The following OPCML variants were observed in gnomAD, a reference collection of about 807,000 sequenced individuals.
The protein encoded by OPCML is opioid binding protein/cell adhesion molecule like, also known as opioid-binding protein/cell adhesion molecule.
OPCML carries 13 observed loss-of-function variants against 37.8 expected under a neutral mutation model. That is an observed-to-expected ratio of 0.34 (90% CI 0.22 to 0.55). OPCML has a LOEUF of 0.55. Ranked by LOEUF, OPCML falls within the 20% of genes least tolerant of loss-of-function variation. The pLI, the probability that OPCML is intolerant of heterozygous loss-of-function variation, is 0.91. For synonymous variants in OPCML, 176 were observed against 168.8 expected (o/e 1.04, Z -0.33); for missense variants, 341 against 435.6 (o/e 0.78, Z 1.93).
intron 2 of OPCML, among the ~76,000 whole-genome samples, chr11:132,702,480 T>C (rs1298021124): frequency 2.0e-5 from 3 of 152,248 alleles, no homozygotes; most frequent in Non-Finnish European, 2.9e-5. Context: ...TCTTGCTGCA[T>C]TTAACGTTCT....
intron 2 of OPCML, among the ~76,000 whole-genome samples, chr11:132,920,849 G>A (rs1353241029): frequency 1.3e-5 from 2 of 152,088 alleles, no homozygotes; most frequent in African/African-American, 2.4e-5. Flanking sequence ...CGGCCTGGCC[G>A]GCGGGAGCCC....
chr11:132,969,644 T>G (rs372034979), intron 1 of OPCML, among the ~76,000 whole-genome samples: 1 of 152,306 alleles, frequency 6.6e-6, no homozygotes, highest in Non-Finnish European at 1.5e-5. Flanking sequence ...GTACTTTCCA[T>G]CAATACATAT....
intron 2 of OPCML, among the ~76,000 whole-genome samples, chr11:132,808,995 G>A (rs982460636): frequency 2.0e-5 from 3 of 151,764 alleles, no homozygotes; most frequent in African/African-American, 7.3e-5. Flanking sequence ...GGGGCGGGGG[G>A]GTTGCTTTTT....
chr11:133,070,385 T>C (rs913521244), intron 1 of OPCML, among the ~76,000 whole-genome samples: 11 of 152,168 alleles, frequency 7.2e-5, no homozygotes, highest in African/African-American at 2.7e-4. Flanking sequence ...CTTCTGCTAG[T>C]TGGTAAATTC....
At chr11:132,736,232 G>A (rs1945251439) in intron 2 of OPCML, among the ~76,000 whole-genome samples, 2 of 152,120 alleles carry the variant, frequency 1.3e-5, no homozygotes, top group African/African-American at 4.8e-5. Flanking sequence ...TGTCTCTTCA[G>A]TTCTTAGGTT....
At chr11:132,933,570 A>ATGTGTGTGTG (rs145923017) in intron 2 of OPCML, among the ~76,000 whole-genome samples, 1 of 151,750 alleles carries the variant, frequency 6.6e-6, no homozygotes, top group Non-Finnish European at 1.5e-5. Flanking sequence ...GAAAAGGGAG[A>ATGTGTGTGTG]TGTGTGTGTG....
chr11:132,538,581 G>T (rs780595769), intron 3 of OPCML, among the ~76,000 whole-genome samples: 26 of 152,078 alleles, frequency 1.7e-4, no homozygotes, highest in Admixed American at 6.5e-5. Flanking sequence ...TGCATAAAAC[G>T]TTTATAAAAA....
chr11:133,226,728 C>T (rs1025506398), intron 1 of OPCML, among the ~76,000 whole-genome samples: 1 of 152,160 alleles, frequency 6.6e-6, no homozygotes, highest in Non-Finnish European at 1.5e-5. Flanking sequence ...ACAGAGGGAG[C>T]TTCAGAGGGC....
At chr11:132,747,195 A>G (rs1323643820) in intron 2 of OPCML, among the ~76,000 whole-genome samples, 1 of 152,232 alleles carries the variant, frequency 6.6e-6, no homozygotes, top group Non-Finnish European at 1.5e-5. Flanking sequence ...AACCAAAGAG[A>G]TAACTAGGAG....
chr11:132,870,568 T>G (rs1159304746), intron 2 of OPCML, among the ~76,000 whole-genome samples: 1 of 151,908 alleles, frequency 6.6e-6, no homozygotes, highest in Non-Finnish European at 1.5e-5. Context: ...CCAAAGAAAA[T>G]GAAATCAGAC....
At chr11:132,479,613 T>C (rs1185813142) in intron 4 of OPCML, among the ~76,000 whole-genome samples, 2 of 152,210 alleles carry the variant, frequency 1.3e-5, no homozygotes, top group Non-Finnish European at 2.9e-5. Flanking sequence ...CTCTGCAGAC[T>C]TAAATGTCCC....
At chr11:132,962,983 C>T (rs12269732) in intron 1 of OPCML, among the ~76,000 whole-genome samples, 10,673 of 152,144 alleles carry the variant, frequency 0.07, 471 homozygotes, top group South Asian at 0.085. Context: ...CTGCTTGACA[C>T]GCATAGAGGA....
At chr11:132,455,892 A>T (rs2096081335) in intron 4 of OPCML, among the ~76,000 whole-genome samples, 1 of 152,230 alleles carries the variant, frequency 6.6e-6, no homozygotes, top group African/African-American at 2.4e-5. Flanking sequence ...ATGACATAAC[A>T]GATGATATGC....
chr11:133,334,645 T>C (rs1002122931), intron 1 of OPCML, among the ~76,000 whole-genome samples: 4 of 152,204 alleles, frequency 2.6e-5, no homozygotes, highest in African/African-American at 4.8e-5. Flanking sequence ...AAACCTAAAA[T>C]GAAAGTTTTT....
intron 2 of OPCML, among the ~76,000 whole-genome samples, chr11:132,824,535 A>G (rs1428580359): frequency 6.6e-6 from 1 of 152,116 alleles, no homozygotes; most frequent in Admixed American, 6.6e-5. Context: ...AGAATTTTAT[A>G]TACACTTTGT....
At chr11:132,835,308 A>C (rs936301047) in intron 2 of OPCML, among the ~76,000 whole-genome samples, 2 of 152,234 alleles carry the variant, frequency 1.3e-5, no homozygotes, top group African/African-American at 4.8e-5. Flanking sequence ...AGTACAAACG[A>C]AGTGAGAAAT....
At chr11:133,473,061 T>C (rs1171543539) in intron 1 of OPCML, among the ~76,000 whole-genome samples, 7 of 152,140 alleles carry the variant, frequency 4.6e-5, no homozygotes, top group Non-Finnish European at 1.0e-4. Flanking sequence ...TCCCTCTCTG[T>C]TTCATACTGG....
chr11:133,025,975 T>A (rs912724338), intron 1 of OPCML: 18 of 700,636 alleles, frequency 2.6e-5, no homozygotes, highest in Non-Finnish European at 5.3e-6. Flanking sequence ...CCTCAGGTGA[T>A]CCACCCACCT....
At chr11:133,031,395 T>C (rs1947667329) in intron 1 of OPCML, among the ~76,000 whole-genome samples, 1 of 123,998 alleles carries the variant, frequency 8.1e-6, no homozygotes, top group South Asian at 2.5e-4. Context: ...GGATGGTTGG[T>C]TGGATGGGTA....
Sources: allele counts gnomAD v4.1 joint callset (sites outside exome capture counted in the v4.1 genomes callset), GRCh38; gene constraint gnomAD v4.1.1; transcripts MANE v1.5; gene names NCBI Gene and HGNC (gene_info 2026-07-23, HGNC 2026-07-21).